Variants in HERC5 observed in about 807,000 individuals in gnomAD.
HERC5 encodes the protein HECT and RLD domain containing E3 ubiquitin protein ligase 5.
In HERC5, 99 loss-of-function variants were observed where a neutral mutation model predicts 119.6. The ratio of observed to expected loss-of-function variants is 0.83; its 90% CI spans 0.70 to 0.98. The LOEUF is 0.98. HERC5 is among the 50% of genes least tolerant of loss of function. HERC5 has a pLI of 0.00. For synonymous variants in HERC5, 478 were observed against 445.9 expected (o/e 1.07, Z -0.91); for missense variants, 1,267 against 1,241.3 (o/e 1.02, Z -0.31).
At chr4:88,467,292 C>T in intron 7 of HERC5, 88 bp downstream of exon 7, 3 of 1,319,078 alleles carry the variant, frequency 2.3e-6, no homozygotes, top group Non-Finnish European at 3.2e-6. Context: ...AAGAAAGCAA[C>T]ATATGACTAT....
chr4:88,475,943 A>G lies in HERC5; in HGVS notation c.1495A>G (p.Met499Val). 6.2e-7 allele frequency: 1 copy of G among 1,614,012 alleles called. No individual in the cohort carries two copies. The highest frequency in any genetic ancestry group is 8.5e-7 in the Non-Finnish European group (1 of 1,179,958). ...CTTCCTTCTCCCAGAATGTCCTATG[A>G]TGCATATTTCCAACAACTGGGAGAG... is the stretch of plus-strand genomic sequence containing the variant. ...IFFLLPECPM[M>V]HISNNWESLV... The change falls in exon 12 of 23, where the codon ATG (methionine) becomes GTG (valine). Residue 499 changes from methionine (M) to valine (V), a missense_variant. Met to Val is a conservative substitution (Grantham distance 21, BLOSUM62 1). Coordinates refer to ENST00000264350, the MANE Select transcript of HERC5 (RefSeq NM_016323.4).
At chr4:88,468,288 C>T in intron 7 of HERC5, 58 bp from the exon 8 acceptor site, 1 of 1,136,144 alleles carries the variant, frequency 8.8e-7, no homozygotes, top group Non-Finnish European at 1.3e-6. Context: ...TTAAATTGAA[C>T]ATGCATGTTT....
intron 9 of HERC5, among the ~76,000 whole-genome samples, chr4:88,470,220 A>G (rs1740823056): frequency 6.6e-6 from 1 of 152,226 alleles, no homozygotes; most frequent in Non-Finnish European, 1.5e-5. Flanking sequence ...GAAACTGAGC[A>G]TACTCCTTCC....
At chr4:88,489,815 CCTGGT>C (rs896622441) in intron 16 of HERC5, among the ~76,000 whole-genome samples, 10 of 152,086 alleles carry the variant, frequency 6.6e-5, no homozygotes, top group Admixed American at 2.6e-4. Flanking sequence ...TCGAGACCAG[CCTGGT>C]CAACATGGTA....
chr4:88,500,008 A>AT lies in HERC5; in HGVS notation c.2511+16_2511+17insT. 1 of 1,481,376 alleles carries AT rather than the reference A, an allele frequency of 6.8e-7. No individual in the cohort carries two copies. The highest frequency in any genetic ancestry group is 9.4e-7 in the Non-Finnish European group (1 of 1,059,940). The allele number at this position is 1,481,376 out of a possible 1,614,324, so 91.8% of individuals were successfully genotyped here. ...CCATTTTAATGTGAGTAACAATAAA[A>AT]GCAGATAACAGATTAGTTTTAATCT... On this transcript the variant is annotated intron_variant, in intron 19 of 22. Transcript: ENST00000264350.
At chr4:88,501,352 G>A (rs1029069685) in intron 20 of HERC5, among the ~76,000 whole-genome samples, 2 of 152,170 alleles carry the variant, frequency 1.3e-5, no homozygotes, top group Non-Finnish European at 2.9e-5. Context: ...ATGCGGCAGG[G>A]ACTTGGTATG....
rs950524205 is a variant in HERC5, at chr4:88,494,200, G to A, written c.2313G>A (p.Gly771=). ...KFEKKRYFFF[G]VLCGLSLFNC... is the part of the protein sequence containing the mutation. Reference sequence around the variant, plus strand: ...AGAAGAAAAGATACTTCTTTTTTGGGGTTCTATGTGGACTTTCCCTGTTCA... The same window carrying A: ...AGAAGAAAAGATACTTCTTTTTTGGAGTTCTATGTGGACTTTCCCTGTTCA... Residue 771 remains glycine (G), a synonymous_variant, in exon 18 of 23, where the codon GGG becomes GGA. Transcript: ENST00000264350. The A allele has an allele frequency of 6.2e-7, 1 of 1,606,398 alleles. No individual in the cohort carries two copies. Among genetic ancestry groups the A allele is most frequent in the African/African-American group, 1.3e-5 (1 of 74,240 alleles).
At chr4:88,470,471 T>C (rs962246966) in intron 9 of HERC5, 143 bp from the exon 10 acceptor site, 5 of 547,842 alleles carry the variant, frequency 9.1e-6, no homozygotes, top group East Asian at 6.6e-5. Context: ...CAAGGTAATA[T>C]GCATACAGAT....
rs34823613 is a variant in HERC5, at chr4:88,472,445, A to G, written c.1335A>G (p.Leu445=). Residue 445 remains leucine, a synonymous_variant, in exon 11 of 23, where the codon TTA becomes TTG. Transcript: ENST00000264350. ...TTEMMPVYLD[L]NKARNIFKEL... is the part of the protein sequence containing the mutation. ...AAATGATGCCTGTTTATTTGGACTT[A>G]AATAAAGCAAGAAACATCTTCAAGG... is the stretch of plus-strand genomic sequence containing the variant. 3,525 of 1,601,408 alleles carry G rather than the reference A, an allele frequency of 2.2e-3. 70 individuals are homozygous for G. In the African/African-American group the frequency reaches 0.042, roughly 19 times the overall value.
chr4:88,503,761 G>A (rs536917733), intron 20 of HERC5, among the ~76,000 whole-genome samples: 10 of 152,020 alleles, frequency 6.6e-5, no homozygotes, highest in Admixed American at 3.9e-4. Flanking sequence ...GCATATGATG[G>A]AGTTGTTATA....
chr4:88,505,301 T>C (rs1259872298), intron 22 of HERC5, among the ~76,000 whole-genome samples: 3 of 152,206 alleles, frequency 2.0e-5, no homozygotes, highest in African/African-American at 4.8e-5. Flanking sequence ...TCCGGCATAA[T>C]TCTGAACTCT....
At chr4:88,505,563 C>A in intron 22 of HERC5, 110 bp from the exon 23 acceptor site, 1 of 652,800 alleles carries the variant, frequency 1.5e-6, no homozygotes, top group East Asian at 2.7e-5. Context: ...AAATGTAGGA[C>A]ACTGCACATG....
chr4:88,504,302 C>T lies in HERC5; in HGVS notation c.2653C>T (p.Arg885Trp). Residue 885 changes from arginine (R) to tryptophan (W), a missense_variant, in exon 21 of 23, where the codon CGG becomes TGG. Physicochemically the swap from Arg to Trp is moderately radical, Grantham distance 101. Around this residue, in one of 3 missense-constraint regions of HERC5, gnomAD observed 473 missense variants for 445.7 expected, o/e 1.06. Transcript: ENST00000264350. ...TGTAAAGGCGGTTTATGAAGAATTT[C>T]GGAGAGGATTTTATAAAATGTGCGA... Reference protein sequence around the residue: ...DSVKAVYEEFRRGFYKMCDED... With the variant: ...DSVKAVYEEFWRGFYKMCDED... The T allele has an allele frequency of 5.0e-6, 8 of 1,612,390 alleles. No individual in the cohort carries two copies. Among genetic ancestry groups the T allele is most frequent in the African/African-American group, 1.3e-5 (1 of 74,980 alleles).
rs967112751 is a variant in HERC5, at chr4:88,470,665, A to G, written c.1290A>G (p.Leu430=). The change falls in exon 10 of 23, where the codon TTA becomes TTG. Residue 430 remains leucine (L), a synonymous_variant. Transcript: ENST00000264350. ...SSPACLTGSF[L]RKRRTTEMMP... The stretch of plus-strand genomic sequence containing the variant: ...CTGCTTGTCTAACTGGAAGTTTTTT[A>G]AGGAAAAGGTAATATATGTAATAAA... The G allele has an allele frequency of 1.4e-6, 2 of 1,407,622 alleles. No homozygotes were observed. The highest frequency in any genetic ancestry group is 1.4e-5 in the African/African-American group (1 of 70,660). 87.2% of individuals were successfully genotyped at this position (1,407,622 alleles called of 1,614,324 possible). A position where few individuals can be genotyped will look rare whatever the true frequency, so the allele number is the denominator to read the frequency against.
intron 3 of HERC5, among the ~76,000 whole-genome samples, chr4:88,461,109 C>T (rs994792209): frequency 1.1e-4 from 17 of 152,166 alleles, no homozygotes; most frequent in African/African-American, 4.1e-4. Flanking sequence ...TGTTCATAAA[C>T]TGAATAGAAT....
In HERC5 at chr4:88,493,074, T is replaced by C; in HGVS notation, c.2196T>C (p.Cys732=). Residue 732 remains cysteine, a synonymous_variant, in exon 17 of 23, where the codon TGT becomes TGC. Coordinates refer to ENST00000264350, the MANE Select transcript of HERC5 (RefSeq NM_016323.4). ...LGGVKKEFFY[C]LFAEMIQPEY... is the part of the protein sequence containing the mutation. ...GAGTCAAGAAAGAGTTCTTCTACTG[T>C]CTGTTTGCAGAGATGATCCAGCCGG... 6.2e-7 allele frequency: 1 copy of C among 1,614,066 alleles called. No homozygotes were observed. Among genetic ancestry groups the C allele is most frequent in the Non-Finnish European group, 8.5e-7 (1 of 1,179,948 alleles).
intron 6 of HERC5, among the ~76,000 whole-genome samples, chr4:88,465,063 C>G (rs1015685884): frequency 6.6e-6 from 1 of 152,184 alleles, no homozygotes; most frequent in East Asian, 1.9e-4. Flanking sequence ...AGCCACTGCA[C>G]CTGGCCACAA....
Position 88,467,133 on chromosome 4 carries a change from G to A in HERC5, c.986G>A (p.Gly329Glu), listed in dbSNP as rs906207184. The change falls in exon 7 of 23, where the codon GGA becomes GAA. Residue 329 changes from glycine to glutamate, a missense_variant. Transcript: ENST00000264350. The stretch of plus-strand genomic sequence containing the variant: ...GGTTCTGGAAAAGATGGACAACTGG[G>A]AAATGGTGGAACACGTGACCAGCTG... ...SFGSGKDGQL[G>E]NGGTRDQLMP... 1 of 1,614,042 alleles carries A rather than the reference G, an allele frequency of 6.2e-7. No individual in the cohort carries two copies. The highest frequency in any genetic ancestry group is 1.7e-5 in the Admixed American group (1 of 60,002).
Position 88,505,919 on chromosome 4 carries a change from C to T in HERC5, c.*41C>T, listed in dbSNP as rs560012530. On this transcript the variant is annotated 3_prime_UTR_variant, in exon 23 of 23. Transcript: ENST00000264350. The stretch of plus-strand genomic sequence containing the variant: ...AACAGCCTTATTTTGTTGTTGTTAT[C>T]GTTGTTGTTGTTGTTGTTGTTGTTG... The T allele has an allele frequency of 1.3e-4, 186 of 1,431,102 alleles. 1 individual carries two copies. In the African/African-American group the frequency reaches 1.3e-3, roughly 10 times the overall value. 88.7% of individuals were successfully genotyped at this position (1,431,102 alleles called of 1,614,324 possible).
Sources: gnomAD v4.1 joint callset for allele counts (sites outside exome capture counted in the v4.1 genomes callset) on GRCh38, gnomAD v4.1.1 for gene constraint, gnomAD v4.1.1 regional missense constraint, MANE v1.5 for transcripts, NCBI Gene and HGNC (gene_info 2026-07-23, HGNC 2026-07-21) for gene names.